RALGPS1: variants seen among roughly 807,000 people sequenced by gnomAD.
RALGPS1 encodes ras-specific guanine nucleotide-releasing factor RalGPS1.
RALGPS1 carries 19 observed loss-of-function variants against 78.8 expected under a neutral mutation model. The ratio of observed to expected loss-of-function variants is 0.24; its 90% CI spans 0.17 to 0.35. The LOEUF (loss-of-function observed/expected upper bound fraction) is 0.35, where lower values mean the gene tolerates loss of function less well. RALGPS1 is among the 10% of genes least tolerant of loss of function. The probability of loss-of-function intolerance (pLI) is 1.00; values close to 1 mark genes in which losing one functional copy is unlikely to be tolerated. For synonymous variants in RALGPS1, 228 were observed against 256.3 expected (o/e 0.89, Z 1.06); for missense variants, 454 against 688.3 (o/e 0.66, Z 3.81).
chr9:127,111,703 C>T (rs1211626315), intron 8 of RALGPS1, among the ~76,000 whole-genome samples: 1 of 152,204 alleles, frequency 6.6e-6, no homozygotes, highest in African/African-American at 2.4e-5. Flanking sequence ...TTCTCATAAT[C>T]TCCTTTTAAG....
intron 4 of RALGPS1, among the ~76,000 whole-genome samples, chr9:127,023,764 G>T (rs1456272203): frequency 6.6e-6 from 1 of 152,136 alleles, no homozygotes; most frequent in Non-Finnish European, 1.5e-5. Flanking sequence ...GGCTGGGCGC[G>T]GTGGCTCACG....
chr9:127,072,989 C>T (rs1200120161), intron 8 of RALGPS1, among the ~76,000 whole-genome samples: 10 of 152,112 alleles, frequency 6.6e-5, no homozygotes, highest in Admixed American at 1.3e-4. Context: ...TTAAGGGTCA[C>T]GTGGTATTTT....
rs183291755 is a variant in RALGPS1, at chr9:127,217,203, T to C, written c.1645-1537T>C. The C allele has an allele frequency of 5.7e-6, 7 of 1,228,484 alleles. No homozygotes were observed. In the Admixed American group the frequency reaches 1.3e-4, roughly 22 times the overall value. The allele number at this position is 1,228,484 out of a possible 1,614,324, so 76.1% of individuals were successfully genotyped here. A position where few individuals can be genotyped will look rare whatever the true frequency, so the allele number is the denominator to read the frequency against. On this transcript the variant is annotated intron_variant, in intron 18 of 18. Coordinates refer to ENST00000259351, the MANE Select transcript of RALGPS1 (RefSeq NM_014636.3). ...GTGTAGCATGGCAAGGCTACAAGTT[T>C]TAAGGATTTTTGTCTGATTTTCAGA...
intron 3 of RALGPS1, among the ~76,000 whole-genome samples, chr9:126,973,803 G>A (rs1299549728): frequency 6.6e-6 from 1 of 152,076 alleles, no homozygotes. Flanking sequence ...CTGACTCCAT[G>A]ATTTTGACTC....
At chr9:127,097,421 C>A (rs531856562) in intron 8 of RALGPS1, among the ~76,000 whole-genome samples, 4 of 152,242 alleles carry the variant, frequency 2.6e-5, no homozygotes, top group Admixed American at 1.3e-4. Context: ...AATCAGGCCC[C>A]ATTAGCTTCC....
chr9:126,954,363 G>A, intron 1 of RALGPS1, among the ~76,000 whole-genome samples: 1 of 152,180 alleles, frequency 6.6e-6, no homozygotes, highest in Non-Finnish European at 1.5e-5. Context: ...AATCCAAGCT[G>A]CTGCCATCTA....
At chr9:127,059,024 A>G (rs1255557104) in intron 7 of RALGPS1, among the ~76,000 whole-genome samples, 1 of 152,184 alleles carries the variant, frequency 6.6e-6, no homozygotes, top group African/African-American at 2.4e-5. Context: ...TCTTACTCCT[A>G]GATATCTGGG....
chr9:127,149,609 A>G (rs1213082848), intron 8 of RALGPS1, among the ~76,000 whole-genome samples: 1 of 152,222 alleles, frequency 6.6e-6, no homozygotes, highest in Non-Finnish European at 1.5e-5. Context: ...GGACTGGATT[A>G]AGGATCACAG....
chr9:127,038,123 C>T (rs1270745293), intron 5 of RALGPS1, among the ~76,000 whole-genome samples: 3 of 152,228 alleles, frequency 2.0e-5, no homozygotes, highest in Admixed American at 2.0e-4. Context: ...CCTGTCTGCC[C>T]TCTGAACTCC....
chr9:127,003,953 T>C (rs1277300284), intron 4 of RALGPS1, among the ~76,000 whole-genome samples: 1 of 152,212 alleles, frequency 6.6e-6, no homozygotes, highest in East Asian at 1.9e-4. Context: ...CCTCAGCACA[T>C]TTATCCTCTT....
intron 4 of RALGPS1, among the ~76,000 whole-genome samples, chr9:127,011,392 T>G (rs930855067): frequency 6.6e-6 from 1 of 152,154 alleles, no homozygotes; most frequent in Non-Finnish European, 1.5e-5. Context: ...TTGGCCAGGC[T>G]GGTCTCAAAC....
At chr9:127,120,827 C>CAAA (rs968011060) in intron 8 of RALGPS1, among the ~76,000 whole-genome samples, 1 of 121,942 alleles carries the variant, frequency 8.2e-6, no homozygotes, top group Non-Finnish European at 1.8e-5. Context: ...GACTCCATCT[C>CAAA]AAAAAAAAAA....
chr9:126,947,978 T>A (rs1398316437), intron 1 of RALGPS1, among the ~76,000 whole-genome samples: 1 of 152,236 alleles, frequency 6.6e-6, no homozygotes, highest in African/African-American at 2.4e-5. Context: ...AACTACATTT[T>A]TTTTAGTGTT....
intron 4 of RALGPS1, among the ~76,000 whole-genome samples, chr9:127,025,425 G>A (rs2045883605): frequency 6.6e-6 from 1 of 152,186 alleles, no homozygotes; most frequent in African/African-American, 2.4e-5. Context: ...GGATTGCTGG[G>A]CCTACCAGTG....
At chr9:127,099,736 C>T (rs2053533086) in intron 8 of RALGPS1, among the ~76,000 whole-genome samples, 1 of 152,218 alleles carries the variant, frequency 6.6e-6, no homozygotes, top group Non-Finnish European at 1.5e-5. Flanking sequence ...GAGTACAAAA[C>T]AATAACCTAA....
At chr9:126,951,198 T>A in intron 1 of RALGPS1, among the ~76,000 whole-genome samples, 1 of 147,514 alleles carries the variant, frequency 6.8e-6, no homozygotes, top group African/African-American at 2.5e-5. Context: ...CCAAAAAGAG[T>A]CCAGGACCAG....
chr9:127,176,569 T>A (rs2059890605), intron 11 of RALGPS1, among the ~76,000 whole-genome samples: 1 of 152,080 alleles, frequency 6.6e-6, no homozygotes, highest in South Asian at 2.1e-4. Context: ...TCCTTCCGAG[T>A]CCCCTCCAAA....
intron 8 of RALGPS1, among the ~76,000 whole-genome samples, chr9:127,077,424 A>G (rs749411900): frequency 5.9e-5 from 9 of 152,186 alleles, no homozygotes; most frequent in Non-Finnish European, 1.2e-4. Flanking sequence ...TTGAGAATCC[A>G]TTTGTGCGTT....
At chr9:127,132,612 T>C (rs928294913) in intron 8 of RALGPS1, among the ~76,000 whole-genome samples, 23 of 152,190 alleles carry the variant, frequency 1.5e-4, no homozygotes, top group African/African-American at 5.5e-4. Context: ...GTCACACAAA[T>C]GAGTGAAGGG....
Sources: allele counts gnomAD v4.1 joint callset (sites outside exome capture counted in the v4.1 genomes callset), GRCh38; gene constraint gnomAD v4.1.1; transcripts MANE v1.5; gene names NCBI Gene and HGNC (gene_info 2026-07-23, HGNC 2026-07-21).